NANS: variants seen among roughly 807,000 people sequenced by gnomAD.
NANS encodes N-acetylneuraminate-9-phosphate synthase.
A neutral mutation model predicts 33.3 loss-of-function variants in NANS; 29 were observed. The observed-to-expected ratio is 0.87, with a 90% CI of 0.65 to 1.19. NANS has a LOEUF of 1.19. Among genes scored for constraint, NANS ranks in the 50% most tolerant of loss-of-function variants. The probability of loss-of-function intolerance (pLI) is 0.00; values close to 1 mark genes in which losing one functional copy is unlikely to be tolerated. For synonymous variants in NANS, 163 were observed against 177.2 expected, an observed-to-expected ratio of 0.92 and a Z score of 0.64; for missense variants, 394 against 461.1, an observed-to-expected ratio of 0.85 and a Z score of 1.33.
intron 4 of NANS, among the ~76,000 whole-genome samples, chr9:98,078,836 G>T (rs1011122967): frequency 1.6e-5 from 2 of 123,028 alleles, no homozygotes; most frequent in Non-Finnish European, 3.3e-5. Context: ...CTCTCAGGGG[G>T]AAAAAAAAAA....
intron 2 of NANS, among the ~76,000 whole-genome samples, chr9:98,065,461 C>T (rs147824077): frequency 7.7e-4 from 111 of 144,346 alleles, no homozygotes; most frequent in African/African-American, 2.7e-3. Flanking sequence ...GGATTACAGG[C>T]GTCCACCACC....
chr9:98,056,933 T>C lies in NANS; in HGVS notation c.125T>C (p.Met42Thr), dbSNP rs1828842428. The C allele has an allele frequency of 6.3e-7, 1 of 1,590,320 alleles. No homozygotes were observed. The highest frequency in any genetic ancestry group is 1.7e-5 in the Admixed American group (1 of 58,646). The stretch of plus-strand genomic sequence containing the variant: ...GACGTAGCCAAGCGCATGATCCGCA[T>C]GGCCAAGGTGAGGCGGCAGCTCCCG... ...DLDVAKRMIR[M>T]AKECGADCAK... Residue 42 changes from methionine (M) to threonine (T), a missense_variant, in exon 1 of 6, where the codon ATG becomes ACG. By Grantham distance (81) the Met-to-Thr change is moderately conservative. Coordinates refer to ENST00000210444, the MANE Select transcript of NANS (RefSeq NM_018946.4).
chr9:98,057,376 G>A (rs1368886120), intron 1 of NANS, among the ~76,000 whole-genome samples: 1 of 152,140 alleles, frequency 6.6e-6, no homozygotes, highest in African/African-American at 2.4e-5. Flanking sequence ...TTTCAGGAAT[G>A]ACAGTTCCTG....
chr9:98,073,420 G>T (rs555889378), intron 2 of NANS, among the ~76,000 whole-genome samples: 1 of 151,572 alleles, frequency 6.6e-6, no homozygotes, highest in East Asian at 2.0e-4. Flanking sequence ...GAGTAGCTGG[G>T]ATTACAGACA....
chr9:98,081,064 G>A lies in NANS; in HGVS notation c.852G>A (p.Glu284=). The A allele has an allele frequency of 6.2e-7, 1 of 1,614,158 alleles. No homozygotes were observed. Among genetic ancestry groups the A allele is most frequent in the Admixed American group, 1.7e-5 (1 of 60,030 alleles). The change falls in exon 5 of 6, where the codon GAG becomes GAA. Residue 284 remains glutamate (E), a synonymous_variant. Coordinates refer to ENST00000210444, the MANE Select transcript of NANS (RefSeq NM_018946.4). Reference sequence around the variant, plus strand: ...CAACCAAGCAGCTGCTGCCCTGTGAGATGGCCTGCAATGAGAAGGTGTGTC... The same window carrying A: ...CAACCAAGCAGCTGCTGCCCTGTGAAATGGCCTGCAATGAGAAGGTGTGTC... ...GSPTKQLLPC[E]MACNEKLGKS...
intron 5 of NANS, 26 bp downstream of exon 5, chr9:98,081,108 T>C: frequency 1.2e-6 from 2 of 1,612,528 alleles, no homozygotes; most frequent in Non-Finnish European, 1.7e-6. Context: ...CTCTACTCGG[T>C]TCTGCTGCCG....
intron 1 of NANS, among the ~76,000 whole-genome samples, chr9:98,057,534 C>T (rs1828861168): frequency 6.6e-6 from 1 of 152,148 alleles, no homozygotes; most frequent in Admixed American, 6.5e-5. Flanking sequence ...AACCCTTTTC[C>T]CCATTTGAAA....
Position 98,082,940 on chromosome 9 carries a change from A to G in NANS, c.965A>G (p.Tyr322Cys), listed in dbSNP as rs1188741987. 4.3e-6 allele frequency: 7 copies of G among 1,614,108 alleles called. No homozygotes were observed. The African/African-American group carries it at 5.3e-5, about 12-fold the overall frequency. The change falls in exon 6 of 6, where the codon TAT (tyrosine) becomes TGT (cysteine). Residue 322 changes from tyrosine to cysteine, a missense_variant. Transcript: ENST00000210444. ...GTGAAGGTGGGTGAGCCCAAAGGCT[A>G]TCCTCCTGAAGACATCTTTAATCTA... ...LTVKVGEPKG[Y>C]PPEDIFNLVG...
At chr9:98,073,273 T>C (rs1829429651) in intron 2 of NANS, among the ~76,000 whole-genome samples, 1 of 41,440 alleles carries the variant, frequency 2.4e-5, no homozygotes, top group African/African-American at 2.7e-4. Context: ...ACCATGGGCT[T>C]TTTTTTTTTT....
rs1829956712 is a variant in NANS at position 98,083,007 on chromosome 9, C to T, written c.1032C>T (p.Thr344=). ...KVLVTVEEDD[T]IMEELVDNHG... ...TGGTCACTGTTGAAGAGGATGACAC[C>T]ATCATGGAAGAATTGGTAGATAATC... The change falls in exon 6 of 6, where the codon ACC becomes ACT. Residue 344 remains threonine, a synonymous_variant. Coordinates refer to ENST00000210444, the MANE Select transcript of NANS (RefSeq NM_018946.4). 1.2e-6 allele frequency: 2 copies of T among 1,613,978 alleles called. No individual in the cohort carries two copies. The highest frequency in any genetic ancestry group is 1.3e-5 in the African/African-American group (1 of 74,898).
intron 2 of NANS, among the ~76,000 whole-genome samples, chr9:98,073,855 C>T (rs1210180703): frequency 6.6e-6 from 1 of 152,010 alleles, no homozygotes; most frequent in East Asian, 1.9e-4. Context: ...GACACGACCT[C>T]AGCTCAGTGC....
chr9:98,067,323 G>T (rs1829177451), intron 2 of NANS, among the ~76,000 whole-genome samples: 1 of 152,142 alleles, frequency 6.6e-6, no homozygotes, highest in African/African-American at 2.4e-5. Context: ...CTTTTTTGAG[G>T]AACTGCCAGA....
At chr9:98,064,336 C>T (rs1163252277) in intron 2 of NANS, among the ~76,000 whole-genome samples, 1 of 152,118 alleles carries the variant, frequency 6.6e-6, no homozygotes, top group Non-Finnish European at 1.5e-5. Context: ...TCACTGCAAC[C>T]TCCACCTCCC....
Position 98,080,960 on chromosome 9 carries a change from CA to C in NANS, c.749del (p.His250ProfsTer50). Reference protein sequence around the residue: ...TLDKTWKGSDHSASLEPGELA... With the variant: ...TLDKTWKGSDXSASLEPGELA... ...GGACAAGACCTGGAAGGGGAGTGAC[CA>C]CTCGGCCTCGCTGGAGCCTGGAGAA... On this transcript the variant is annotated frameshift_variant, in exon 5 of 6. Transcript: ENST00000210444. LOFTEE classifies it high-confidence loss of function. The C allele has an allele frequency of 6.2e-7, 1 of 1,614,138 alleles. No individual in the cohort carries two copies. The highest frequency in any genetic ancestry group is 1.1e-5 in the South Asian group (1 of 91,080).
At chr9:98,081,115 G>A in intron 5 of NANS, 33 bp downstream of exon 5, 1 of 1,609,642 alleles carries the variant, frequency 6.2e-7, no homozygotes, top group Non-Finnish European at 8.5e-7. Flanking sequence ...CGGTTCTGCT[G>A]CCGTGTGTGG....
chr9:98,057,922 G>GGTTT (rs1828874778), intron 1 of NANS, among the ~76,000 whole-genome samples: 2 of 78,086 alleles, frequency 2.6e-5, no homozygotes, highest in Admixed American at 2.0e-4. Context: ...TTTTTTCCTG[G>GGTTT]TTTTTTTTTT....
At chr9:98,063,442 A>G (rs1384753921) in intron 2 of NANS, among the ~76,000 whole-genome samples, 2 of 151,874 alleles carry the variant, frequency 1.3e-5, no homozygotes, top group African/African-American at 2.4e-5. Flanking sequence ...GGGTTTCACC[A>G]TGTTGGCCAG....
Position 98,083,003 on chromosome 9 carries a change from A to G in NANS, c.1028A>G (p.Asp343Gly). Residue 343 changes from aspartate (D) to glycine (G), a missense_variant, in exon 6 of 6, where the codon GAC becomes GGC. By Grantham distance (94) the Asp-to-Gly change is moderately conservative. Coordinates refer to ENST00000210444, the MANE Select transcript of NANS (RefSeq NM_018946.4). ...KKVLVTVEEDDTIMEELVDNH... is the reference protein window; with the variant it reads ...KKVLVTVEEDGTIMEELVDNH... ...GTCCTGGTCACTGTTGAAGAGGATG[A>G]CACCATCATGGAAGAATTGGTAGAT... 1 of 1,614,214 alleles carries G rather than the reference A, an allele frequency of 6.2e-7. No homozygotes were observed. Among genetic ancestry groups the G allele is most frequent in the Non-Finnish European group, 8.5e-7 (1 of 1,180,050 alleles).
intron 4 of NANS, among the ~76,000 whole-genome samples, chr9:98,079,814 G>A (rs1829772585): frequency 6.6e-6 from 1 of 152,198 alleles, no homozygotes. Flanking sequence ...CCTGCACATA[G>A]TACAGTGGTT....
Sources: gnomAD v4.1 joint callset for allele counts (sites outside exome capture counted in the v4.1 genomes callset) on GRCh38, gnomAD v4.1.1 for gene constraint, MANE v1.5 for transcripts, NCBI Gene and HGNC (gene_info 2026-07-23, HGNC 2026-07-21) for gene names.